The following ARID2 variants were observed in gnomAD, a reference collection of about 807,000 sequenced individuals.
ARID2 encodes AT-rich interaction domain 2, also known as AT-rich interactive domain-containing protein 2.
In ARID2, 32 loss-of-function variants were observed where a neutral mutation model predicts 184.6. That is an observed-to-expected ratio of 0.17 (90% CI 0.13 to 0.23). The LOEUF is 0.23. ARID2 is among the 10% of genes least tolerant of loss of function. The pLI, the probability that ARID2 is intolerant of heterozygous loss-of-function variation, is 1.00. For synonymous variants in ARID2, 836 were observed against 772.6 expected (o/e 1.08, Z -1.36); for missense variants, 1,696 against 2,197.6 (o/e 0.77, Z 4.56).
chr12:45,805,471 C>T, intron 3 of ARID2, among the ~76,000 whole-genome samples: 1 of 151,918 alleles, frequency 6.6e-6, no homozygotes, highest in Middle Eastern at 3.2e-3. Flanking sequence ...AGTTTTATAT[C>T]TTTATATTCT....
intron 3 of ARID2, among the ~76,000 whole-genome samples, chr12:45,778,206 A>G (rs905858701): frequency 3.3e-5 from 5 of 151,118 alleles, no homozygotes; most frequent in African/African-American, 9.7e-5. Flanking sequence ...GACTTCTCCA[A>G]AAAAAAAAGA....
chr12:45,734,953 A>T (rs1381538887), intron 3 of ARID2, among the ~76,000 whole-genome samples: 1 of 152,218 alleles, frequency 6.6e-6, no homozygotes, highest in Non-Finnish European at 1.5e-5. Context: ...AATATCTTGG[A>T]CATTAAAAAT....
At chr12:45,882,822 G>A (rs1944126204) in intron 16 of ARID2, among the ~76,000 whole-genome samples, 1 of 152,178 alleles carries the variant, frequency 6.6e-6, no homozygotes, top group Non-Finnish European at 1.5e-5. Flanking sequence ...AGGGTTATAT[G>A]TTGTTTTCTG....
chr12:45,745,960 A>G (rs1941347536), intron 3 of ARID2, among the ~76,000 whole-genome samples: 1 of 151,946 alleles, frequency 6.6e-6, no homozygotes, highest in Admixed American at 6.6e-5. Flanking sequence ...AAACTTACAT[A>G]TTTGATAAAG....
intron 3 of ARID2, among the ~76,000 whole-genome samples, chr12:45,786,699 G>T (rs1942200917): frequency 6.6e-6 from 1 of 152,186 alleles, no homozygotes; most frequent in Admixed American, 6.5e-5. Flanking sequence ...CATGCTCAGT[G>T]TACCATTATT....
chr12:45,770,396 G>A (rs958244573), intron 3 of ARID2, among the ~76,000 whole-genome samples: 4 of 152,140 alleles, frequency 2.6e-5, no homozygotes, highest in African/African-American at 9.7e-5. Context: ...CAGCAGGGGG[G>A]CACCCTGTCT....
chr12:45,843,071 G>C (rs953056669), intron 11 of ARID2, among the ~76,000 whole-genome samples: 2 of 151,304 alleles, frequency 1.3e-5, no homozygotes, highest in Non-Finnish European at 2.9e-5. Flanking sequence ...GTTCTCCTTT[G>C]TTTTGTTGAA....
intron 8 of ARID2, 98 bp downstream of exon 8, chr12:45,837,089 C>A (rs2138129362): frequency 2.1e-6 from 3 of 1,423,442 alleles, no homozygotes; most frequent in Non-Finnish European, 1.9e-6. Flanking sequence ...TATTTATAGA[C>A]TATTAAATGC....
At chr12:45,887,181 C>T (rs1592141887) in intron 16 of ARID2, among the ~76,000 whole-genome samples, 2 of 152,082 alleles carry the variant, frequency 1.3e-5, no homozygotes, top group South Asian at 4.1e-4. Flanking sequence ...CCTGAGCTTT[C>T]ACTGCAATGA....
At chr12:45,732,683 T>A (rs1220285169) in intron 3 of ARID2, among the ~76,000 whole-genome samples, 1 of 152,190 alleles carries the variant, frequency 6.6e-6, no homozygotes, top group African/African-American at 2.4e-5. Flanking sequence ...ATATTCTGGT[T>A]TTATGTTTTT....
At chr12:45,896,974 G>A (rs1592147100) in intron 20 of ARID2, among the ~76,000 whole-genome samples, 1 of 152,178 alleles carries the variant, frequency 6.6e-6, no homozygotes, top group Non-Finnish European at 1.5e-5. Flanking sequence ...AAGAGACCCT[G>A]AATAGCAGAA....
chr12:45,764,569 T>A (rs1941738502), intron 3 of ARID2, among the ~76,000 whole-genome samples: 1 of 152,222 alleles, frequency 6.6e-6, no homozygotes, highest in Non-Finnish European at 1.5e-5. Flanking sequence ...TTTATACCCT[T>A]ACAAATGTGC....
intron 15 of ARID2, among the ~76,000 whole-genome samples, chr12:45,855,650 G>A (rs1943634190): frequency 6.6e-6 from 1 of 152,100 alleles, no homozygotes; most frequent in African/African-American, 2.4e-5. Context: ...AAGGTTGTTG[G>A]GCCTTCTGAA....
Position 45,749,219 on chromosome 12 carries a change from G to A in ARID2, c.284+17905G>A, listed in dbSNP as rs925992894. On this transcript the variant is annotated intron_variant, in intron 3 of 20. Coordinates refer to ENST00000334344, the MANE Select transcript of ARID2 (RefSeq NM_152641.4). ...CTGTAGAATGGATGTTGTGTCAGCA[G>A]CATGAAAACAACATTCATCTCCTTG... Among the ~76,000 whole-genome samples the A allele has an allele frequency of 6.6e-5, 10 of 152,224 alleles. 1 individual carries two copies. Among genetic ancestry groups the A allele is most frequent in the African/African-American group, 2.4e-4 (10 of 41,460 alleles).
intron 16 of ARID2, 148 bp from the exon 17 acceptor site, chr12:45,891,632 A>G: frequency 1.3e-6 from 1 of 773,474 alleles, no homozygotes; most frequent in African/African-American, 1.8e-5. Context: ...AAGGTAGGGA[A>G]TTATGAATAA....
At chr12:45,829,465 T>G (rs932821691) in intron 6 of ARID2, among the ~76,000 whole-genome samples, 2 of 152,050 alleles carry the variant, frequency 1.3e-5, no homozygotes, top group South Asian at 2.1e-4. Flanking sequence ...GTCCTCATTC[T>G]TTCTTGTGTA....
intron 16 of ARID2, among the ~76,000 whole-genome samples, chr12:45,888,913 C>T (rs538035514): frequency 1.3e-5 from 2 of 152,282 alleles, no homozygotes; most frequent in South Asian, 4.1e-4. Context: ...AGGGGCTGGG[C>T]TTGGTGGCCC....
At position 45,852,582 on chromosome 12, in the gene ARID2, C is replaced by T. The variant is rs2138179863; in HGVS notation, c.4459C>T (p.Pro1487Ser). ...VIQGHQIIAV[P>S]DSGSKVSHSP... ...ACAGGGACATCAAATCATAGCAGTTCCCGACTCAGGATCAAAAGTATCCCA... is the reference window on the plus strand; with the variant it reads ...ACAGGGACATCAAATCATAGCAGTTTCCGACTCAGGATCAAAAGTATCCCA... Residue 1487 changes from proline to serine, a missense_variant, in exon 15 of 21, where the codon CCC (proline) becomes TCC (serine). This residue lies in a region of ARID2 where 428 missense variants were observed against 409.1 expected (regional missense o/e 1.05). Coordinates refer to ENST00000334344, the MANE Select transcript of ARID2 (RefSeq NM_152641.4). The T allele has an allele frequency of 6.2e-7, 1 of 1,614,160 alleles. No homozygotes were observed. The highest frequency in any genetic ancestry group is 8.5e-7 in the Non-Finnish European group (1 of 1,180,010).
intron 2 of ARID2, among the ~76,000 whole-genome samples, chr12:45,730,462 C>CCCGCCCCGCTCCCGCG (rs1940964707): frequency 6.7e-6 from 1 of 149,824 alleles, no homozygotes; most frequent in African/African-American, 2.4e-5. Flanking sequence ...GAGCCCCGCG[C>CCCGCCCCGCTCCCGCG]CCGCCCCGCT....
Sources: gnomAD v4.1 joint callset for allele counts (sites outside exome capture counted in the v4.1 genomes callset) on GRCh38, gnomAD v4.1.1 for gene constraint, gnomAD v4.1.1 regional missense constraint, MANE v1.5 for transcripts, NCBI Gene and HGNC (gene_info 2026-07-23, HGNC 2026-07-21) for gene names.